Variants in CNTNAP2 observed in about 807,000 individuals in gnomAD.
The protein encoded by CNTNAP2 is contactin associated protein 2, also known as contactin-associated protein-like 2.
A neutral mutation model predicts 155.2 loss-of-function variants in CNTNAP2; 98 were observed. That is an observed-to-expected ratio of 0.63 (90% CI 0.54 to 0.75). The LOEUF (loss-of-function observed/expected upper bound fraction) is 0.75. Ranked by LOEUF, CNTNAP2 falls within the 30% of genes least tolerant of loss-of-function variation. The pLI is 0.00. For missense variants in CNTNAP2, 1,727 were observed against 1,688.1 expected, an observed-to-expected ratio of 1.02 and a Z score of -0.40; for synonymous variants, 651 against 631.2, an observed-to-expected ratio of 1.03 and a Z score of -0.47.
intron 3 of CNTNAP2, among the ~76,000 whole-genome samples, chr7:146,972,111 A>G (rs544993847): frequency 6.6e-6 from 1 of 152,306 alleles, no homozygotes; most frequent in East Asian, 1.9e-4. Context: ...ATTAATGGTC[A>G]TTGTAATGTT....
chr7:147,969,709 C>T (rs1049936790), intron 14 of CNTNAP2, among the ~76,000 whole-genome samples: 2 of 152,004 alleles, frequency 1.3e-5, no homozygotes, highest in African/African-American at 2.4e-5. Context: ...TAAAAATTCG[C>T]CATACTTTTA....
At chr7:146,554,824 C>CT (rs1460649106) in intron 1 of CNTNAP2, among the ~76,000 whole-genome samples, 14 of 152,200 alleles carry the variant, frequency 9.2e-5, no homozygotes. Context: ...CCAGCAAGAC[C>CT]TTTTTAACAA....
intron 1 of CNTNAP2, among the ~76,000 whole-genome samples, chr7:146,557,714 C>T (rs539359085): frequency 6.6e-5 from 10 of 152,146 alleles, no homozygotes; most frequent in African/African-American, 2.4e-4. Context: ...ACTGATTAAC[C>T]ATTTTCTAAC....
intron 15 of CNTNAP2, among the ~76,000 whole-genome samples, chr7:148,056,025 A>G (rs1287895474): frequency 1.3e-5 from 2 of 152,180 alleles, no homozygotes; most frequent in Non-Finnish European, 1.5e-5. Flanking sequence ...TTCTGTGTTG[A>G]ATAGCGATGA....
intron 20 of CNTNAP2, among the ~76,000 whole-genome samples, chr7:148,246,264 C>T (rs1796260709): frequency 6.6e-6 from 1 of 152,188 alleles, no homozygotes; most frequent in Non-Finnish European, 1.5e-5. Flanking sequence ...AAGGATGTGT[C>T]TGCTACGTTG....
chr7:146,157,307 G>A (rs1798141835), intron 1 of CNTNAP2, among the ~76,000 whole-genome samples: 1 of 152,104 alleles, frequency 6.6e-6, no homozygotes, highest in African/African-American at 2.4e-5. Flanking sequence ...AATAAGAACA[G>A]CTCCAGTCTG....
intron 1 of CNTNAP2, among the ~76,000 whole-genome samples, chr7:146,554,772 G>T (rs533451453): frequency 6.6e-6 from 1 of 152,360 alleles, no homozygotes; most frequent in African/African-American, 2.4e-5. Flanking sequence ...CAGGCAGGTG[G>T]TGTGCACTGC....
At position 146,957,016 on chromosome 7, in the gene CNTNAP2, T is replaced by C. The variant is rs371153289; in HGVS notation, c.403-86891T>C. On this transcript the variant is annotated intron_variant, in intron 3 of 23. Coordinates refer to ENST00000361727, the MANE Select transcript of CNTNAP2 (RefSeq NM_014141.6). ...ATTTCTCATCATGTGAGCATCATCATGAACAGTCATGTGTTTCTGAACAAC... is the reference window on the plus strand; with the variant it reads ...ATTTCTCATCATGTGAGCATCATCACGAACAGTCATGTGTTTCTGAACAAC... Among the ~76,000 whole-genome samples, 16 of 152,308 alleles carry C rather than the reference T, an allele frequency of 1.1e-4. No individual in the cohort carries two copies. The South Asian group carries it at 1.2e-3, about 12-fold the overall frequency.
At chr7:148,132,917 G>A (rs1804863273) in intron 16 of CNTNAP2, among the ~76,000 whole-genome samples, 1 of 151,862 alleles carries the variant, frequency 6.6e-6, no homozygotes, top group South Asian at 2.1e-4. Flanking sequence ...ATATATTACG[G>A]CCTATATTTT....
chr7:148,002,496 TG>T (rs528599120), intron 15 of CNTNAP2, among the ~76,000 whole-genome samples: 6 of 152,158 alleles, frequency 3.9e-5, no homozygotes, highest in Non-Finnish European at 7.4e-5. Flanking sequence ...GTAGTCCCCA[TG>T]CCAAGAATGC....
At chr7:147,168,123 CAT>C (rs1448540071) in intron 8 of CNTNAP2, among the ~76,000 whole-genome samples, 16 of 148,560 alleles carry the variant, frequency 1.1e-4, no homozygotes, top group Non-Finnish European at 2.1e-4. Flanking sequence ...TGACATTAGA[CAT>C]AATGTATTTC....
chr7:146,194,761 A>C (rs562431294), intron 1 of CNTNAP2, among the ~76,000 whole-genome samples: 2 of 152,330 alleles, frequency 1.3e-5, no homozygotes, highest in East Asian at 3.9e-4. Context: ...ATGATATTTT[A>C]TCCTTTAATG....
intron 1 of CNTNAP2, among the ~76,000 whole-genome samples, chr7:146,723,962 T>C (rs533927868): frequency 1.1e-4 from 16 of 152,290 alleles, no homozygotes; most frequent in African/African-American, 3.8e-4. Flanking sequence ...TTGTTTTGTT[T>C]TGTAGTAATA....
chr7:146,364,478 T>C (rs948970631), intron 1 of CNTNAP2, among the ~76,000 whole-genome samples: 1 of 152,310 alleles, frequency 6.6e-6, no homozygotes, highest in African/African-American at 2.4e-5. Context: ...GCAGTATACA[T>C]TTTAAAGTAA....
rs540290532 is a variant in CNTNAP2 at position 147,776,438 on chromosome 7, A to T, written c.2099-127127A>T. ...GTCTTGGCCTGTTTTTCAATGAGAA[A>T]CTCTGCACTGAGATAAATTCTATTC... On this transcript the variant is annotated intron_variant, in intron 13 of 23. Transcript: ENST00000361727. Among the ~76,000 whole-genome samples the T allele has an allele frequency of 2.6e-5, 4 of 152,230 alleles. No homozygotes were observed. In the East Asian group the frequency reaches 7.7e-4, roughly 29 times the overall value.
chr7:146,159,687 T>C (rs1798185937), intron 1 of CNTNAP2, among the ~76,000 whole-genome samples: 2 of 152,294 alleles, frequency 1.3e-5, no homozygotes, highest in South Asian at 4.1e-4. Flanking sequence ...CAAGAAGAGC[T>C]AACTATCCTA....
intron 10 of CNTNAP2, among the ~76,000 whole-genome samples, chr7:147,442,313 C>T (rs75825486): frequency 0.041 from 6,296 of 152,288 alleles, 188 homozygotes; most frequent in Non-Finnish European, 0.065. Flanking sequence ...GTGAATACTT[C>T]CAGCCTACCA....
chr7:147,943,683 C>T (rs557888352), intron 14 of CNTNAP2, among the ~76,000 whole-genome samples: 126 of 140,042 alleles, frequency 9.0e-4, no homozygotes, highest in African/African-American at 3.4e-3. Flanking sequence ...CCAGGAGAAT[C>T]GCCCAGGAGA....
chr7:147,553,504 G>C (rs1799892015), intron 11 of CNTNAP2, among the ~76,000 whole-genome samples: 1 of 152,054 alleles, frequency 6.6e-6, no homozygotes, highest in South Asian at 2.1e-4. Context: ...AAGTCTCTGA[G>C]TACTTTGTTT....
Sources: allele counts gnomAD v4.1 joint callset (sites outside exome capture counted in the v4.1 genomes callset), GRCh38; gene constraint gnomAD v4.1.1; transcripts MANE v1.5; gene names NCBI Gene and HGNC (gene_info 2026-07-23, HGNC 2026-07-21).